Variants in KCNN2 observed in about 807,000 individuals in gnomAD.
The protein encoded by KCNN2 is potassium calcium-activated channel subfamily N member 2, also known as small conductance calcium-activated potassium channel protein 2.
KCNN2 carries 24 observed loss-of-function variants against 55.5 expected under a neutral mutation model. That is an observed-to-expected ratio of 0.43 (90% CI 0.31 to 0.61). KCNN2 has a LOEUF of 0.61. KCNN2 is among the 20% of genes least tolerant of loss of function. KCNN2 has a pLI of 0.08. For missense variants in KCNN2, 754 were observed against 853.6 expected (o/e 0.88, Z 1.45); for synonymous variants, 431 against 336.1 (o/e 1.28, Z -3.09).
In KCNN2 at chr5:114,487,196, T is replaced by G. The variant is rs1212706792; in HGVS notation, c.2018+19T>G. Reference sequence around the variant, plus strand: ...TTCATCAGTAAGTATCATTTTTCATTTTTATCCTGTTGTTGTGTCCTTGGC... The same window carrying G: ...TTCATCAGTAAGTATCATTTTTCATGTTTATCCTGTTGTTGTGTCCTTGGC... On this transcript the variant is annotated intron_variant, in intron 6 of 7. Transcript: ENST00000673685. The G allele has an allele frequency of 6.2e-7, 1 of 1,610,006 alleles. No homozygotes were observed. Among genetic ancestry groups the G allele is most frequent in the Admixed American group, 1.7e-5 (1 of 59,700 alleles).
At chr5:114,411,233 A>G (rs1216425974) in intron 3 of KCNN2, among the ~76,000 whole-genome samples, 1 of 152,066 alleles carries the variant, frequency 6.6e-6, no homozygotes, top group Non-Finnish European at 1.5e-5. Context: ...ATACTCTTCT[A>G]TGTTGTATTA....
intron 2 of KCNN2, among the ~76,000 whole-genome samples, chr5:114,341,089 T>C (rs77182431): frequency 0.043 from 6,510 of 152,268 alleles, 483 homozygotes; most frequent in African/African-American, 0.15. Flanking sequence ...CGGTCATCCA[T>C]TGGCAGACAC....
At chr5:114,293,326 G>A (rs1288421760) in intron 2 of KCNN2, among the ~76,000 whole-genome samples, 8 of 152,096 alleles carry the variant, frequency 5.3e-5, no homozygotes, top group Non-Finnish European at 1.2e-4. Flanking sequence ...TTGGCTGTGG[G>A]TTTGTCATAG....
intron 1 of KCNN2, among the ~76,000 whole-genome samples, chr5:114,216,626 G>T (rs139818004): frequency 0.03 from 4,604 of 152,050 alleles, 238 homozygotes; most frequent in African/African-American, 0.1. Flanking sequence ...TAATAGAGAG[G>T]AACATCCTTA....
intron 1 of KCNN2, among the ~76,000 whole-genome samples, chr5:114,170,411 T>C (rs1231740342): frequency 1.3e-5 from 2 of 152,018 alleles, no homozygotes; most frequent in East Asian, 3.9e-4. Context: ...CTAGTAAAAT[T>C]TTTTTCATAA....
intron 1 of KCNN2, among the ~76,000 whole-genome samples, chr5:114,183,160 T>C (rs535771094): frequency 1.3e-5 from 2 of 152,238 alleles, no homozygotes; most frequent in Admixed American, 6.5e-5. Flanking sequence ...ATAATCTTAA[T>C]AGAGTGAATC....
At chr5:114,393,777 G>T in intron 2 of KCNN2, among the ~76,000 whole-genome samples, 2 of 149,512 alleles carry the variant, frequency 1.3e-5, no homozygotes, top group South Asian at 2.1e-4. Context: ...CATGTACTTT[G>T]CTTTTAAAAA....
At position 114,483,231 on chromosome 5, in the gene KCNN2, T is replaced by G. The variant is rs187342051; in HGVS notation, c.1891-3819T>G. ...GTTGTTTTTAAGGAATCTGGGTAAG[T>G]ACTACCACTAACAATAATGTAGTAG... On this transcript the variant is annotated intron_variant, in intron 5 of 7. Coordinates refer to ENST00000673685, the MANE Select transcript of KCNN2 (RefSeq NM_021614.4). 1.4e-3 allele frequency among the ~76,000 whole-genome samples: 208 copies of G among 151,826 alleles called. 1 individual carries two copies. Among genetic ancestry groups the G allele is most frequent in the African/African-American group, 4.8e-3 (197 of 41,420 alleles).
chr5:114,211,475 C>G (rs1198192874), intron 1 of KCNN2, among the ~76,000 whole-genome samples: 1 of 152,094 alleles, frequency 6.6e-6, no homozygotes, highest in Non-Finnish European at 1.5e-5. Context: ...AAACCAAATA[C>G]CATATGTTCT....
At chr5:114,118,487 A>C (rs886213765) in intron 1 of KCNN2, among the ~76,000 whole-genome samples, 4 of 152,076 alleles carry the variant, frequency 2.6e-5, no homozygotes, top group Non-Finnish European at 4.4e-5. Context: ...ATCCTAGCCC[A>C]AGGTTAGGAG....
chr5:114,322,650 T>G (rs1182980654), intron 2 of KCNN2, among the ~76,000 whole-genome samples: 1 of 151,838 alleles, frequency 6.6e-6, no homozygotes, highest in African/African-American at 2.4e-5. Context: ...GTATTTTAAT[T>G]GATGCTGCAG....
At chr5:114,129,470 T>C (rs556362797) in intron 1 of KCNN2, among the ~76,000 whole-genome samples, 1 of 152,276 alleles carries the variant, frequency 6.6e-6, no homozygotes, top group South Asian at 2.1e-4. Flanking sequence ...GAAAGAGAGT[T>C]AGGAAAACAT....
At chr5:114,339,023 T>A (rs139020039) in intron 2 of KCNN2, among the ~76,000 whole-genome samples, 1 of 152,366 alleles carries the variant, frequency 6.6e-6, no homozygotes, top group East Asian at 1.9e-4. Flanking sequence ...GGTCAGTCAT[T>A]GGTGGCAGCC....
rs1412256199 is a variant in KCNN2 at position 114,122,019 on chromosome 5, T to G, written c.-271+65519T>G. 2.6e-5 allele frequency among the ~76,000 whole-genome samples: 4 copies of G among 152,234 alleles called. 1 individual carries two copies. Among genetic ancestry groups the G allele is most frequent in the Admixed American group, 2.6e-4 (4 of 15,282 alleles). On this transcript the variant is annotated intron_variant, in intron 1 of 10. Coordinates refer to the KCNN2 transcript ENST00000512097. ...ACACAATCAAAGAACAAATTATCAT[T>G]TACATTTTTGTGCATCCTCTGAGTG...
chr5:114,092,849 C>T lies in KCNN2; in HGVS notation c.-271+36349C>T, dbSNP rs946740106. Reference sequence around the variant, plus strand: ...CAAATCTCGAGACCGCACAAAGCAGCAAGGCCTTGGGCCTGGCCCATGAAA... The same window carrying T: ...CAAATCTCGAGACCGCACAAAGCAGTAAGGCCTTGGGCCTGGCCCATGAAA... On this transcript the variant is annotated intron_variant, in intron 1 of 10. Transcript: ENST00000512097. Among the ~76,000 whole-genome samples, 3 of 152,198 alleles carry T rather than the reference C, an allele frequency of 2.0e-5. No individual in the cohort carries two copies. The East Asian group carries it at 5.8e-4, about 29-fold the overall frequency.
chr5:114,337,477 C>T (rs1734915210), intron 2 of KCNN2, among the ~76,000 whole-genome samples: 1 of 152,144 alleles, frequency 6.6e-6, no homozygotes, highest in African/African-American at 2.4e-5. Flanking sequence ...AAACTGAATC[C>T]AACCTATTTA....
Position 114,463,045 on chromosome 5 carries a change from T to C in KCNN2, c.1638-4T>C. On this transcript the variant is annotated splice_region_variant and splice_polypyrimidine_tract_variant and intron_variant, in intron 3 of 7. Coordinates refer to ENST00000673685, the MANE Select transcript of KCNN2 (RefSeq NM_021614.4). ...AAGGACTGGTTTTGTTTGCTGTTTT[T>C]CAGGTACCATGATCAACAGGATGTT... 2 of 1,611,452 alleles carry C rather than the reference T, an allele frequency of 1.2e-6. No individual in the cohort carries two copies. The highest frequency in any genetic ancestry group is 1.7e-6 in the Non-Finnish European group (2 of 1,179,024).
intron 1 of KCNN2, among the ~76,000 whole-genome samples, chr5:114,172,329 A>G (rs1753051623): frequency 6.6e-6 from 1 of 151,840 alleles, no homozygotes; most frequent in Non-Finnish European, 1.5e-5. Context: ...TTTTTACCTT[A>G]TTTTTTGAAA....
chr5:114,191,501 G>A (rs1753447051), intron 1 of KCNN2, among the ~76,000 whole-genome samples: 1 of 152,104 alleles, frequency 6.6e-6, no homozygotes, highest in Admixed American at 6.6e-5. Flanking sequence ...GTAGCATAAG[G>A]CATGTGGGAA....
Sources: allele counts gnomAD v4.1 joint callset (sites outside exome capture counted in the v4.1 genomes callset), GRCh38; gene constraint gnomAD v4.1.1; transcripts MANE v1.5; gene names NCBI Gene and HGNC (gene_info 2026-07-23, HGNC 2026-07-21).